The following TXNDC16 variants were observed in gnomAD, a reference collection of about 807,000 sequenced individuals.
The protein encoded by TXNDC16 is thioredoxin domain-containing protein 16.
In TXNDC16, 74 loss-of-function variants were observed where a neutral mutation model predicts 85.6. The observed-to-expected ratio is 0.86, with a 90% CI of 0.72 to 1.05. The LOEUF is 1.05. TXNDC16 is among the 50% of genes least tolerant of loss of function. The pLI is 0.00. For synonymous variants in TXNDC16, 335 were observed against 326.5 expected (o/e 1.03, Z -0.28); for missense variants, 959 against 947.0 (o/e 1.01, Z -0.17).
At chr14:52,537,922 C>T (rs925280914) in intron 4 of TXNDC16, among the ~76,000 whole-genome samples, 30 of 152,134 alleles carry the variant, frequency 2.0e-4, no homozygotes, top group African/African-American at 6.8e-4. Context: ...AGGAAGGACA[C>T]ATTTAAGGCA....
chr14:52,508,817 C>CA (rs1001805465), intron 9 of TXNDC16, among the ~76,000 whole-genome samples: 4 of 151,608 alleles, frequency 2.6e-5, no homozygotes, highest in Non-Finnish European at 5.9e-5. Context: ...ATTGCAAGGA[C>CA]AAAAAAACCA....
At chr14:52,502,143 T>C (rs1213420511) in intron 9 of TXNDC16, among the ~76,000 whole-genome samples, 2 of 152,246 alleles carry the variant, frequency 1.3e-5, no homozygotes, top group Non-Finnish European at 2.9e-5. Context: ...CAATTCAGCC[T>C]TTCAGATCTT....
At chr14:52,441,346 C>T (rs897867445) in intron 18 of TXNDC16, among the ~76,000 whole-genome samples, 2 of 152,088 alleles carry the variant, frequency 1.3e-5, no homozygotes, top group African/African-American at 4.8e-5. Flanking sequence ...TGATGGCTCA[C>T]GCCTGTAATC....
rs763522811 is a variant in TXNDC16, at chr14:52,514,895, AG to A, written c.589del (p.Leu197PhefsTer22). 11 of 1,611,700 alleles carry A rather than the reference AG, an allele frequency of 6.8e-6. No homozygotes were observed. The highest frequency in any genetic ancestry group is 9.3e-6 in the Non-Finnish European group (11 of 1,178,698). Reference protein sequence around the residue: ...YQFVLTTEIALLESIGSEDVE... With the variant: ...YQFVLTTEIAXLESIGSEDVE... ...TTATACATACCCAATACTTTCCAAA[AG>A]GGCAATTTCTGTGGTTAAGACAAAT... On this transcript the variant is annotated frameshift_variant, in exon 8 of 21. Transcript: ENST00000281741. LOFTEE classifies it high-confidence loss of function.
intron 9 of TXNDC16, among the ~76,000 whole-genome samples, chr14:52,497,880 CA>C (rs36007755): frequency 0.3 from 28,483 of 95,386 alleles, 2,473 homozygotes; most frequent in South Asian, 0.38. Context: ...GACTCTGTCT[CA>C]AAAAAAAAAA....
chr14:52,541,204 C>T (rs916514551), intron 4 of TXNDC16, among the ~76,000 whole-genome samples: 1 of 151,662 alleles, frequency 6.6e-6, no homozygotes, highest in Non-Finnish European at 1.5e-5. Flanking sequence ...CCATTGCACT[C>T]CAGCCTGGGC....
intron 20 of TXNDC16, among the ~76,000 whole-genome samples, chr14:52,433,616 T>C (rs1335098260): frequency 6.6e-6 from 1 of 152,188 alleles, no homozygotes; most frequent in Non-Finnish European, 1.5e-5. Flanking sequence ...CAAAAATCTG[T>C]ATATGTACAC....
intron 9 of TXNDC16, among the ~76,000 whole-genome samples, chr14:52,491,251 A>C (rs1460798220): frequency 2.0e-5 from 3 of 151,832 alleles, no homozygotes; most frequent in African/African-American, 7.3e-5. Context: ...GCACAATCAC[A>C]GCTCATTGTA....
intron 6 of TXNDC16, among the ~76,000 whole-genome samples, chr14:52,535,035 G>A (rs2037667358): frequency 6.6e-6 from 1 of 152,144 alleles, no homozygotes; most frequent in Admixed American, 6.5e-5. Context: ...TTGTCATCAA[G>A]TTGTTCAATG....
intron 8 of TXNDC16, among the ~76,000 whole-genome samples, chr14:52,514,077 A>T (rs1261027383): frequency 6.6e-6 from 1 of 152,184 alleles, no homozygotes; most frequent in African/African-American, 2.4e-5. Context: ...CATACAGAGC[A>T]ATAAAAACAT....
intron 16 of TXNDC16, among the ~76,000 whole-genome samples, chr14:52,467,013 A>T (rs999544226): frequency 2.0e-5 from 3 of 152,132 alleles, no homozygotes; most frequent in Non-Finnish European, 4.4e-5. Context: ...AAATATTTAA[A>T]AAGACAGATC....
chr14:52,453,891 GA>G, intron 18 of TXNDC16, among the ~76,000 whole-genome samples: 1 of 152,120 alleles, frequency 6.6e-6, no homozygotes, highest in Non-Finnish European at 1.5e-5. Context: ...TTTTTAACTG[GA>G]AATGGTGGGG....
rs779829809 is a variant in TXNDC16, at chr14:52,490,865, T to C, written c.897A>G (p.Gly299=). 1 of 1,612,318 alleles carries C rather than the reference T, an allele frequency of 6.2e-7. No individual in the cohort carries two copies. Among genetic ancestry groups the C allele is most frequent in the East Asian group, 2.2e-5 (1 of 44,864 alleles). Residue 299 remains glycine (G), a synonymous_variant, in exon 10 of 21, where the codon GGA becomes GGG. Transcript: ENST00000281741. ...TAEWVAWRLL[G]KAGVLLLLRD... ...TTAACAAGAGTAGAACTCCTGCTTT[T>C]CCCAGAAGACGCCAAGCAACCCATT...
intron 20 of TXNDC16, among the ~76,000 whole-genome samples, chr14:52,436,661 C>T (rs1369217448): frequency 6.6e-6 from 1 of 151,924 alleles, no homozygotes; most frequent in African/African-American, 2.4e-5. Flanking sequence ...TGAAGCAGAC[C>T]ACTTAGGAAG....
chr14:52,478,916 CA>C (rs2036080666), intron 14 of TXNDC16, among the ~76,000 whole-genome samples: 1 of 152,038 alleles, frequency 6.6e-6, no homozygotes, highest in African/African-American at 2.4e-5. Flanking sequence ...TAATCCTCAA[CA>C]AAACACTAGC....
intron 18 of TXNDC16, among the ~76,000 whole-genome samples, chr14:52,446,494 G>A (rs552270108): frequency 1.6e-4 from 24 of 152,206 alleles, no homozygotes; most frequent in African/African-American, 5.5e-4. Flanking sequence ...GGCAGTCTAG[G>A]CAACAAAGGC....
At chr14:52,455,937 A>T (rs560457753) in intron 17 of TXNDC16, among the ~76,000 whole-genome samples, 1 of 152,300 alleles carries the variant, frequency 6.6e-6, no homozygotes, top group Non-Finnish European at 1.5e-5. Flanking sequence ...AATAGGACTG[A>T]GAGAGTGATA....
In TXNDC16 at chr14:52,482,925, A is replaced by G; in HGVS notation, c.1149T>C (p.Asp383=). Reference sequence around the variant, plus strand: ...GTTCCAAAGGTAATTTTCTCTTCCTATCTCTGAAAACAGTTTCTGCCACTT... The same window carrying G: ...GTTCCAAAGGTAATTTTCTCTTCCTGTCTCTGAAAACAGTTTCTGCCACTT... ...DDEVAETVFR[D]RKRKLPLELT... Residue 383 remains aspartate (D), a synonymous_variant, in exon 13 of 21, where the codon GAT becomes GAC. Coordinates refer to ENST00000281741, the MANE Select transcript of TXNDC16 (RefSeq NM_020784.3). 2 of 1,611,074 alleles carry G rather than the reference A, an allele frequency of 1.2e-6. No homozygotes were observed. Among genetic ancestry groups the G allele is most frequent in the Non-Finnish European group, 1.7e-6 (2 of 1,179,300 alleles).
chr14:52,470,686 T>A lies in TXNDC16; in HGVS notation c.1313-6A>T. 6.3e-7 allele frequency: 1 copy of A among 1,590,630 alleles called. No individual in the cohort carries two copies. The highest frequency in any genetic ancestry group is 8.5e-7 in the Non-Finnish European group (1 of 1,170,756). On this transcript the variant is annotated splice_polypyrimidine_tract_variant and splice_region_variant and intron_variant, in intron 14 of 20. Coordinates refer to ENST00000281741, the MANE Select transcript of TXNDC16 (RefSeq NM_020784.3). ...AAGAAGCATAGTAGATGTGCCTAAA[T>A]AAAAGGAAAATGCACATTTGTAATT...
Sources: gnomAD v4.1 joint callset for allele counts (sites outside exome capture counted in the v4.1 genomes callset) on GRCh38, gnomAD v4.1.1 for gene constraint, MANE v1.5 for transcripts, NCBI Gene and HGNC (gene_info 2026-07-23, HGNC 2026-07-21) for gene names.